FBRSL1: variants seen among roughly 807,000 people sequenced by gnomAD.
FBRSL1 encodes fibrosin-1-like protein.
In FBRSL1, 51 loss-of-function variants were observed where a neutral mutation model predicts 89.6. That is an observed-to-expected ratio of 0.57 (90% CI 0.45 to 0.72). The LOEUF (loss-of-function observed/expected upper bound fraction) is 0.72. Among genes scored for constraint, FBRSL1 ranks in the 30% least tolerant of loss-of-function variants. FBRSL1 has a pLI of 0.00. For synonymous variants in FBRSL1, 779 were observed against 681.1 expected (o/e 1.14, Z -2.24); for missense variants, 1,618 against 1,451.8 (o/e 1.11, Z -1.86).
chr12:132,526,756 GC>G (rs1318772164), intron 3 of FBRSL1, among the ~76,000 whole-genome samples: 1 of 152,082 alleles, frequency 6.6e-6, no homozygotes, highest in South Asian at 2.1e-4. Flanking sequence ...CTTTGCATCT[GC>G]CCCCCACTCC....
chr12:132,525,522 G>A (rs1254992294), intron 2 of FBRSL1, among the ~76,000 whole-genome samples: 5 of 152,194 alleles, frequency 3.3e-5, no homozygotes, highest in Non-Finnish European at 7.4e-5. Context: ...ATTCCTGGCT[G>A]TGCAGAGCTC....
At chr12:132,511,118 G>A (rs1349953978) in intron 2 of FBRSL1, 9 of 985,384 alleles carry the variant, frequency 9.1e-6, no homozygotes, top group Admixed American at 6.2e-5. Context: ...CACCTCCAGG[G>A]CCCCCAAGCT....
At chr12:132,508,374 G>C in intron 2 of FBRSL1, 24 bp downstream of exon 2, 3 of 1,472,926 alleles carry the variant, frequency 2.0e-6, no homozygotes, top group Non-Finnish European at 2.7e-6. Context: ...TCCCCGACCG[G>C]AAGCTCTGCG....
rs539096293 is a variant in FBRSL1, at chr12:132,548,136, C to T, written c.645+104C>T. 21 of 1,387,556 alleles carry T rather than the reference C, an allele frequency of 1.5e-5. No homozygotes were observed. The African/African-American group carries it at 2.9e-4, about 19-fold the overall frequency. 86.0% of individuals were successfully genotyped at this position (1,387,556 alleles called of 1,614,324 possible). On this transcript the variant is annotated intron_variant, in intron 5 of 18. Transcript: ENST00000680143. ...CTGGAGACCAGGCAGAAGATCGGGC[C>T]TTGGGGGGATCCCCCCGCCCGGTGG...
At chr12:132,514,290 C>A (rs2136699788) in intron 2 of FBRSL1, among the ~76,000 whole-genome samples, 1 of 152,306 alleles carries the variant, frequency 6.6e-6, no homozygotes, top group East Asian at 1.9e-4. Flanking sequence ...CCAAGGGAGA[C>A]CCAGGGCCGC....
At position 132,581,432 on chromosome 12, in the gene FBRSL1, C is replaced by T; in HGVS notation, c.1835-7C>T. The stretch of plus-strand genomic sequence containing the variant: ...TGGCTTCTGTCAAACCTGGCTGCCC[C>T]CCCCAGGTGCCGCCCATCCTGCCTC... On this transcript the variant is annotated splice_polypyrimidine_tract_variant and splice_region_variant and intron_variant, in intron 15 of 18. Coordinates refer to ENST00000680143, the MANE Select transcript of FBRSL1 (RefSeq NM_001367871.1). 5 of 1,550,940 alleles carry T rather than the reference C, an allele frequency of 3.2e-6. No individual in the cohort carries two copies. The highest frequency in any genetic ancestry group is 4.4e-6 in the Non-Finnish European group (5 of 1,146,916).
rs540547386 is a variant in FBRSL1, at chr12:132,570,483, C to T, written c.1156C>T (p.Leu386=). ...HAAMFAAPPT[L]PPPPALPASS... ...GGCCATGTTTGCCGCACCCCCGACA[C>T]TGCCCCCGCCCCCGGCGCTGCCGGC... Residue 386 remains leucine (L), a synonymous_variant, in exon 8 of 19, where the codon CTG becomes TTG. Coordinates refer to ENST00000680143, the MANE Select transcript of FBRSL1 (RefSeq NM_001367871.1). The T allele has an allele frequency of 1.6e-5, 25 of 1,530,096 alleles. No homozygotes were observed. The African/African-American group carries it at 2.2e-4, about 14-fold the overall frequency. The allele number at this position is 1,530,096 out of a possible 1,614,324, so 94.8% of individuals were successfully genotyped here.
chr12:132,577,986 T>C (rs1211234725), intron 15 of FBRSL1, among the ~76,000 whole-genome samples: 2 of 152,174 alleles, frequency 1.3e-5, no homozygotes, highest in Admixed American at 6.5e-5. Flanking sequence ...AGCTGACCCT[T>C]GAACCACACA....
intron 4 of FBRSL1, among the ~76,000 whole-genome samples, chr12:132,536,021 G>C (rs2036697520): frequency 6.6e-6 from 1 of 151,990 alleles, no homozygotes; most frequent in Admixed American, 6.5e-5. Flanking sequence ...TTTGTACATG[G>C]TGTGTTGTTT....
At chr12:132,574,834 C>T (rs1313350654) in intron 14 of FBRSL1, among the ~76,000 whole-genome samples, 7 of 152,096 alleles carry the variant, frequency 4.6e-5, no homozygotes, top group Admixed American at 2.0e-4. Flanking sequence ...AGCAGGGGCA[C>T]GGGGTGCCGC....
At chr12:132,555,551 C>T (rs1039313174) in intron 5 of FBRSL1, among the ~76,000 whole-genome samples, 14 of 151,510 alleles carry the variant, frequency 9.2e-5, no homozygotes, top group Non-Finnish European at 1.8e-4. Context: ...CCACGGTAGC[C>T]GCCTCACCCG....
chr12:132,510,150 C>A, intron 2 of FBRSL1: 2 of 1,226,098 alleles, frequency 1.6e-6, no homozygotes, highest in Non-Finnish European at 2.0e-6. Flanking sequence ...GGGCCCAGAG[C>A]AGCCCTGCCA....
Position 132,572,273 on chromosome 12 carries a change from C to T in FBRSL1, c.1378-15C>T, listed in dbSNP as rs1215669615. 4.5e-6 allele frequency: 7 copies of T among 1,550,710 alleles called. No individual in the cohort carries two copies. Among genetic ancestry groups the T allele is most frequent in the Admixed American group, 3.9e-5 (2 of 50,986 alleles). The stretch of plus-strand genomic sequence containing the variant: ...CGTGTGTGCGGGGCCTCACCCTCCT[C>T]TCCTTCCCTTCCAGTTTGACAAGTA... On this transcript the variant is annotated splice_polypyrimidine_tract_variant and intron_variant, in intron 9 of 18. Transcript: ENST00000680143.
chr12:132,523,132 G>A (rs1457821961), intron 2 of FBRSL1, among the ~76,000 whole-genome samples: 1 of 152,090 alleles, frequency 6.6e-6, no homozygotes, highest in Non-Finnish European at 1.5e-5. Context: ...GTCATCCAGG[G>A]ACTGTGATCT....
At chr12:132,524,825 A>G (rs1349403850) in intron 2 of FBRSL1, among the ~76,000 whole-genome samples, 1 of 152,206 alleles carries the variant, frequency 6.6e-6, no homozygotes, top group African/African-American at 2.4e-5. Flanking sequence ...AGCTTTGTGC[A>G]GGTTTGAAAT....
intron 16 of FBRSL1, 77 bp downstream of exon 16, chr12:132,581,593 G>A (rs1316596827): frequency 3.9e-6 from 6 of 1,520,156 alleles, no homozygotes; most frequent in Non-Finnish European, 4.5e-6. Flanking sequence ...TAGGTGGGCG[G>A]GAAGGTGGCC....
intron 5 of FBRSL1, among the ~76,000 whole-genome samples, chr12:132,563,801 G>A (rs1223244127): frequency 1.3e-4 from 5 of 37,318 alleles, no homozygotes; most frequent in African/African-American, 7.0e-4. Flanking sequence ...ACTCACCCCC[G>A]TCGCCCCTGA....
At position 132,551,966 on chromosome 12, in the gene FBRSL1, C is replaced by G. The variant is rs996157954; in HGVS notation, c.645+3934C>G. ...GGCTGTCTGGCCCGTCTGTGGAAGC[C>G]CATCAGGAAGCACCCCCAGTGCCGG... On this transcript the variant is annotated intron_variant, in intron 5 of 18. Coordinates refer to ENST00000680143, the MANE Select transcript of FBRSL1 (RefSeq NM_001367871.1). The G allele has an allele frequency of 2.9e-5, 8 of 279,982 alleles. No individual in the cohort carries two copies. In the Admixed American group the frequency reaches 3.1e-4, roughly 11 times the overall value. The allele number at this position is 279,982 out of a possible 1,614,324, so 17.3% of individuals were successfully genotyped here. A position where few individuals can be genotyped will look rare whatever the true frequency, so the allele number is the denominator to read the frequency against.
intron 5 of FBRSL1, among the ~76,000 whole-genome samples, chr12:132,548,914 T>C (rs1348185139): frequency 2.0e-5 from 3 of 152,158 alleles, no homozygotes; most frequent in Non-Finnish European, 4.4e-5. Flanking sequence ...GACGCTGCCC[T>C]GGGTTTCCAG....
Sources: allele counts gnomAD v4.1 joint callset (sites outside exome capture counted in the v4.1 genomes callset), GRCh38; gene constraint gnomAD v4.1.1; transcripts MANE v1.5; gene names NCBI Gene and HGNC (gene_info 2026-07-23, HGNC 2026-07-21).